SNX20: variants seen among roughly 807,000 people sequenced by gnomAD.
SNX20 encodes sorting nexin-20.
Under a neutral mutation model 24.5 loss-of-function variants are expected in SNX20, and 21 were observed. That is an observed-to-expected ratio of 0.86 (90% CI 0.61 to 1.23). The LOEUF (loss-of-function observed/expected upper bound fraction) is 1.23. SNX20 is among the 50% of genes most tolerant of loss of function. The pLI, the probability that SNX20 is intolerant of heterozygous loss-of-function variation, is 0.00. For missense variants in SNX20, 433 were observed against 430.8 expected, an observed-to-expected ratio of 1.00 and a Z score of -0.04; for synonymous variants, 206 against 192.8, an observed-to-expected ratio of 1.07 and a Z score of -0.57.
At chr16:50,678,732 C>T (rs897497633) in intron 1 of SNX20, among the ~76,000 whole-genome samples, 10 of 152,252 alleles carry the variant, frequency 6.6e-5, no homozygotes, top group Non-Finnish European at 1.0e-4. Context: ...GTCTGTGACC[C>T]GGATAAGTGG....
At chr16:50,677,188 C>T (rs1024821720) in intron 2 of SNX20, among the ~76,000 whole-genome samples, 1 of 152,226 alleles carries the variant, frequency 6.6e-6, no homozygotes, top group Non-Finnish European at 1.5e-5. Flanking sequence ...TTGCCCTTTC[C>T]TTCCATTCCC....
chr16:50,676,717 C>T (rs560922970), intron 2 of SNX20, among the ~76,000 whole-genome samples: 3 of 152,322 alleles, frequency 2.0e-5, no homozygotes, highest in South Asian at 2.1e-4. Flanking sequence ...TCTCGTGGCA[C>T]GTGTAACTGT....
rs775044496 is a variant in SNX20 at position 50,673,511 on chromosome 16, C to T, written c.846G>A (p.Lys282=). The change falls in exon 4 of 4, where the codon AAG becomes AAA. Residue 282 remains lysine (K), a synonymous_variant. Transcript: ENST00000330943. The surrounding 1 kb of genome is among the most constrained non-coding windows in gnomAD (Gnocchi z 4.1). The part of the protein sequence containing the change: ...AMVRLAYALG[K]DFVTLQERLE... ...GCCTCTCCTGCAGAGTCACGAAGTC[C>T]TTGCCCAGCGCGTAGGCCAGGCGGA... 6.2e-7 allele frequency: 1 copy of T among 1,610,224 alleles called. No individual in the cohort carries two copies. The highest frequency in any genetic ancestry group is 8.5e-7 in the Non-Finnish European group (1 of 1,178,908).
At chr16:50,675,944 G>C (rs746126531) in intron 2 of SNX20, 23 bp from the exon 3 acceptor site, 2 of 1,579,956 alleles carry the variant, frequency 1.3e-6, no homozygotes, top group African/African-American at 2.7e-5. Context: ...CACCCTTAAG[G>C]ATCTGCACCC....
intron 1 of SNX20, 31 bp from the exon 2 acceptor site, chr16:50,677,566 C>G: frequency 6.7e-7 from 1 of 1,492,680 alleles, no homozygotes; most frequent in Non-Finnish European, 9.0e-7. Context: ...CAGTGAGGAC[C>G]CACTCCAGTT....
intron 1 of SNX20, among the ~76,000 whole-genome samples, chr16:50,680,055 A>G (rs1017514541): frequency 1.2e-4 from 18 of 152,220 alleles, no homozygotes; most frequent in Non-Finnish European, 2.5e-4. Flanking sequence ...GCCTTAGAAT[A>G]AAATCAAATT....
chr16:50,669,197 T>G (rs1309674006), downstream of SNX20: 5 of 861,746 alleles, frequency 5.8e-6, no homozygotes, highest in South Asian at 7.1e-5. Context: ...GTCAGTCCAT[T>G]TTGCATTGCT....
Position 50,673,756 on chromosome 16 carries a change from A to C in SNX20, c.601T>G (p.Tyr201Asp). ...EAFGCLRAGQ[Y>D]PRALELLLRV... ...AGCAGCAGCTCCAGGGCGCGCGGGTACTGGCCGGCCCGCAGGCAGCCGAAA... is the reference window on the plus strand; with the variant it reads ...AGCAGCAGCTCCAGGGCGCGCGGGTCCTGGCCGGCCCGCAGGCAGCCGAAA... The change falls in exon 4 of 4, where the codon TAC becomes GAC. Residue 201 changes from tyrosine (Y) to aspartate (D), a missense_variant. Physicochemically the swap from Tyr to Asp is radical, Grantham distance 160 (BLOSUM62 -3). Transcript: ENST00000330943. This position sits in a 1 kb window ranked among gnomAD's most constrained non-coding sequence, Gnocchi z 4.1. The C allele has an allele frequency of 6.6e-7, 1 of 1,521,188 alleles. No homozygotes were observed. Among genetic ancestry groups the C allele is most frequent in the Non-Finnish European group, 8.8e-7 (1 of 1,140,944 alleles). The allele number at this position is 1,521,188 out of a possible 1,614,324, so 94.2% of individuals were successfully genotyped here.
chr16:50,670,268 T>A (rs1963013591), downstream of SNX20: 1 of 152,202 alleles, frequency 6.6e-6, no homozygotes, highest in Admixed American at 6.5e-5. Context: ...GTTCCATGGA[T>A]GATTTTCATT....
chr16:50,669,105 C>T (rs74017766), downstream of SNX20: 27,701 of 1,531,646 alleles, frequency 0.018, 617 homozygotes, highest in East Asian at 0.12. Context: ...TGTCTCGCCA[C>T]GTGACCCTGG....
intron 2 of SNX20, among the ~76,000 whole-genome samples, chr16:50,676,933 T>A (rs1024374830): frequency 6.6e-6 from 1 of 152,254 alleles, no homozygotes; most frequent in Admixed American, 6.5e-5. Flanking sequence ...CCGTGCCCTC[T>A]TGGCACCCAC....
chr16:50,667,978 C>T, downstream of SNX20: 1 of 1,546,966 alleles, frequency 6.5e-7, no homozygotes, highest in Admixed American at 2.0e-5. Flanking sequence ...AGGCTTCGAC[C>T]AGCCCAGAAC....
Position 50,677,636 on chromosome 16 carries a change from A to G in SNX20, c.-9-101T>C, listed in dbSNP as rs138644309. On this transcript the variant is annotated intron_variant, in intron 1 of 3. Coordinates refer to ENST00000330943, the MANE Select transcript of SNX20 (RefSeq NM_182854.4). ...TGTGTCATGCCCCCTCCTGGCAGGC[A>G]GAGGGAATGACAAGGGCCCCACGGC... 6.2e-4 allele frequency: 785 copies of G among 1,262,908 alleles called. 9 individuals are homozygous for G. The African/African-American group carries it at 0.011, about 17-fold the overall frequency. The allele number at this position is 1,262,908 out of a possible 1,614,324, so 78.2% of individuals were successfully genotyped here.
rs758057584 is a variant in SNX20, at chr16:50,673,457, C to T, written c.900G>A (p.Thr300=). The T allele has an allele frequency of 5.7e-5, 91 of 1,597,664 alleles. No individual in the cohort carries two copies. The highest frequency in any genetic ancestry group is 1.7e-4 in the Middle Eastern group (1 of 6,030). Residue 300 remains threonine (T), a synonymous_variant, in exon 4 of 4, where the codon ACG becomes ACA. Transcript: ENST00000330943. This position sits in a 1 kb window ranked among gnomAD's most constrained non-coding sequence, Gnocchi z 4.1. ...RLEESQLRRP[T]PRGITLKELT... ...GCTCCTTCAGGGTGATGCCTCGGGGCGTGGGCCTCCGGAGCTGGCTCTCCT... is the reference window on the plus strand; with the variant it reads ...GCTCCTTCAGGGTGATGCCTCGGGGTGTGGGCCTCCGGAGCTGGCTCTCCT...
rs1008483169 is a variant in SNX20, at chr16:50,677,511, G to A, written c.16C>T (p.His6Tyr). 7 of 1,593,594 alleles carry A rather than the reference G, an allele frequency of 4.4e-6. No homozygotes were observed. Among genetic ancestry groups the A allele is most frequent in the Non-Finnish European group, 5.1e-6 (6 of 1,169,078 alleles). MASPE[H>Y]PGSPGCMGPI... Reference sequence around the variant, plus strand: ...CCCATGCAGCCAGGGCTCCCAGGGTGCTCTGGACTTGCCATGCTCCAAGGC... The same window carrying A: ...CCCATGCAGCCAGGGCTCCCAGGGTACTCTGGACTTGCCATGCTCCAAGGC... The change falls in exon 2 of 4, where the codon CAC becomes TAC. Residue 6 changes from histidine to tyrosine, a missense_variant. Coordinates refer to ENST00000330943, the MANE Select transcript of SNX20 (RefSeq NM_182854.4).
chr16:50,677,250 A>C, intron 2 of SNX20, 147 bp downstream of exon 2: 3 of 1,069,960 alleles, frequency 2.8e-6, no homozygotes, highest in Non-Finnish European at 3.9e-6. Context: ...AGCTTGCACT[A>C]GATCTGTGTC....
chr16:50,668,673 G>A, downstream of SNX20: 1 of 1,044,234 alleles, frequency 9.6e-7, no homozygotes. Context: ...AAATGCAGTT[G>A]CTGCATGGGG....
chr16:50,676,009 T>C, intron 2 of SNX20, 88 bp from the exon 3 acceptor site: 1 of 1,397,570 alleles, frequency 7.2e-7, no homozygotes, highest in Non-Finnish European at 9.5e-7. Context: ...CTATCTGAGA[T>C]GGCATATCAG....
downstream of SNX20, chr16:50,668,401 C>T (rs1056770808): frequency 4.4e-6 from 4 of 900,460 alleles, no homozygotes; most frequent in Admixed American, 8.5e-5. Context: ...CAGGGCCTGT[C>T]TCAGGTAAAA....
Sources: allele counts gnomAD v4.1 joint callset (sites outside exome capture counted in the v4.1 genomes callset), GRCh38; gene constraint gnomAD v4.1.1; non-coding constraint Gnocchi (gnomAD v3.1); transcripts MANE v1.5; gene names NCBI Gene and HGNC (gene_info 2026-07-23, HGNC 2026-07-21).